Variants in IFT74 observed in about 807,000 individuals in gnomAD.
IFT74 encodes the protein intraflagellar transport 74.
A neutral mutation model predicts 96.7 loss-of-function variants in IFT74; 92 were observed. The observed-to-expected ratio is 0.95, with a 90% CI of 0.80 to 1.13. The LOEUF is 1.13. IFT74 is among the 50% of genes most tolerant of loss of function. The pLI is 0.00. For missense variants in IFT74, 811 were observed against 698.2 expected, an observed-to-expected ratio of 1.16 and a Z score of -1.82; for synonymous variants, 223 against 213.2, an observed-to-expected ratio of 1.05 and a Z score of -0.40.
chr9:27,033,327 G>T (rs552783921), intron 13 of IFT74, among the ~76,000 whole-genome samples: 1 of 151,996 alleles, frequency 6.6e-6, no homozygotes, highest in Non-Finnish European at 1.5e-5. Context: ...GGAGGCTGAG[G>T]GGGGTGGATT....
chr9:26,979,860 A>G (rs779378606), intron 3 of IFT74, among the ~76,000 whole-genome samples: 3 of 151,512 alleles, frequency 2.0e-5, no homozygotes, highest in Non-Finnish European at 4.4e-5. Context: ...TTACAGGCAC[A>G]TGCCACAATG....
intron 10 of IFT74, among the ~76,000 whole-genome samples, chr9:27,012,409 A>G (rs1040926275): frequency 1.3e-4 from 19 of 151,860 alleles, no homozygotes; most frequent in Non-Finnish European, 2.2e-4. Flanking sequence ...TACTTTTTGT[A>G]AAGACAGGGT....
chr9:26,981,441 G>C (rs927052201), intron 4 of IFT74, among the ~76,000 whole-genome samples: 1 of 151,916 alleles, frequency 6.6e-6, no homozygotes, highest in Admixed American at 6.6e-5. Flanking sequence ...TTGAGACAGA[G>C]TCTTGTTCTG....
intron 1 of IFT74, among the ~76,000 whole-genome samples, chr9:26,957,853 G>A (rs1243146340): frequency 1.3e-5 from 2 of 151,938 alleles, no homozygotes; most frequent in African/African-American, 2.4e-5. Flanking sequence ...GAGTGCAGTG[G>A]CGCGATCTCG....
At chr9:26,989,674 G>A (rs1444206011) in intron 7 of IFT74, among the ~76,000 whole-genome samples, 1 of 152,052 alleles carries the variant, frequency 6.6e-6, no homozygotes, top group African/African-American at 2.4e-5. Flanking sequence ...AAAACCTTAT[G>A]TGTTTTGTCA....
chr9:27,011,943 A>G lies in IFT74; in HGVS notation c.764A>G (p.Asn255Ser). 1 of 1,588,740 alleles carries G rather than the reference A, an allele frequency of 6.3e-7. No homozygotes were observed. The highest frequency in any genetic ancestry group is 1.8e-5 in the Admixed American group (1 of 56,186). Residue 255 changes from asparagine to serine, a missense_variant, in exon 10 of 20, where the codon AAC (asparagine) becomes AGC (serine). By Grantham distance (46) the Asn-to-Ser change is conservative. Transcript: ENST00000380062. Reference protein sequence around the residue: ...DTLQQQLDSQNMKKESLEAEI... With the variant: ...DTLQQQLDSQSMKKESLEAEI... ...CTTCAACAACAATTGGATTCACAGA[A>G]CATGAAAAAAGAGAGCCTGGAAGCA...
At chr9:27,002,418 T>A (rs1329294320) in intron 8 of IFT74, among the ~76,000 whole-genome samples, 1 of 152,266 alleles carries the variant, frequency 6.6e-6, no homozygotes, top group Non-Finnish European at 1.5e-5. Context: ...TGAAACAGTT[T>A]TATAGTTTGA....
At chr9:27,040,672 C>T (rs1215864168) in intron 13 of IFT74, among the ~76,000 whole-genome samples, 2 of 152,054 alleles carry the variant, frequency 1.3e-5, no homozygotes, top group East Asian at 1.9e-4. Flanking sequence ...TGCCCCGTCT[C>T]CCTGATTTTG....
intron 2 of IFT74, among the ~76,000 whole-genome samples, chr9:26,973,078 T>C (rs935887339): frequency 2.9e-4 from 44 of 152,292 alleles, no homozygotes; most frequent in African/African-American, 1.1e-3. Flanking sequence ...TTGCCCAGAA[T>C]GGGGATCTTC....
rs1403285823 is a variant in IFT74, at chr9:26,962,019, G to T, written c.52G>T (p.Val18Phe). 2.5e-6 allele frequency: 4 copies of T among 1,614,180 alleles called. No individual in the cohort carries two copies. In the South Asian group the frequency reaches 4.4e-5, roughly 18 times the overall value. ...AGCTCGCCCTGTTTCAAGAGGTGGA[G>T]TTGGGTTAACAGGAAGGCCTCCTTC... ...SAARPVSRGG[V>F]GLTGRPPSGI... The change falls in exon 2 of 20, where the codon GTT becomes TTT. Residue 18 changes from valine (V) to phenylalanine (F), a missense_variant. Physicochemically the swap from Val to Phe is conservative, Grantham distance 50 (BLOSUM62 -1). Coordinates refer to ENST00000380062, the MANE Select transcript of IFT74 (RefSeq NM_025103.4).
rs544189823 is a variant in IFT74 at position 27,027,702 on chromosome 9, A to G, written c.975-1323A>G. Among the ~76,000 whole-genome samples, 3 of 152,296 alleles carry G rather than the reference A, an allele frequency of 2.0e-5. No individual in the cohort carries two copies. The East Asian group carries it at 5.8e-4, about 29-fold the overall frequency. ...TAACATTTCCTTATATATGCTAGAT[A>G]GAGGTGTCATCAGATACATGATTTG... On this transcript the variant is annotated intron_variant, in intron 12 of 19. Transcript: ENST00000380062.
intron 16 of IFT74, among the ~76,000 whole-genome samples, chr9:27,050,300 C>T (rs2131691327): frequency 6.6e-6 from 1 of 152,298 alleles, no homozygotes; most frequent in East Asian, 1.9e-4. Context: ...CTAAAGCCAT[C>T]TGCCCACCTC....
chr9:27,050,874 T>TA (rs1263496256), intron 16 of IFT74, among the ~76,000 whole-genome samples: 12 of 151,964 alleles, frequency 7.9e-5, no homozygotes, highest in African/African-American at 2.7e-4. Flanking sequence ...CCCTAGAACT[T>TA]AAAGTATAAT....
intron 13 of IFT74, among the ~76,000 whole-genome samples, chr9:27,031,137 AG>A (rs1196698249): frequency 1.3e-5 from 2 of 152,168 alleles, no homozygotes; most frequent in East Asian, 3.9e-4. Context: ...CCGGGACTAC[AG>A]GTCCATGTTA....
intron 2 of IFT74, among the ~76,000 whole-genome samples, chr9:26,972,974 G>T (rs1826942441): frequency 6.6e-6 from 1 of 152,122 alleles, no homozygotes. Context: ...TTTGGGACAA[G>T]AACTTTTTCT....
At chr9:27,052,725 A>G (rs911488266) in intron 16 of IFT74, among the ~76,000 whole-genome samples, 1 of 152,144 alleles carries the variant, frequency 6.6e-6, no homozygotes, top group Non-Finnish European at 1.5e-5. Flanking sequence ...AACCAACCAT[A>G]TAATTTATTC....
At chr9:26,996,932 C>A (rs895120555) in intron 8 of IFT74, among the ~76,000 whole-genome samples, 2 of 152,068 alleles carry the variant, frequency 1.3e-5, no homozygotes, top group African/African-American at 4.8e-5. Flanking sequence ...CATTTCTGGC[C>A]GGGCGCAGAG....
chr9:27,040,064 A>G (rs572774151), intron 13 of IFT74, among the ~76,000 whole-genome samples: 2 of 152,332 alleles, frequency 1.3e-5, no homozygotes, highest in African/African-American at 4.8e-5. Flanking sequence ...ATATGAATTA[A>G]TGTGATACAG....
intron 1 of IFT74, among the ~76,000 whole-genome samples, chr9:26,959,730 A>G (rs139600462): frequency 2.0e-5 from 3 of 152,306 alleles, no homozygotes; most frequent in African/African-American, 7.2e-5. Flanking sequence ...TAATTTTTTT[A>G]AATGAGTCAT....
Sources: gnomAD v4.1 joint callset for allele counts (sites outside exome capture counted in the v4.1 genomes callset) on GRCh38, gnomAD v4.1.1 for gene constraint, MANE v1.5 for transcripts, NCBI Gene and HGNC (gene_info 2026-07-23, HGNC 2026-07-21) for gene names.